Variants in ZNF469 observed in about 807,000 individuals in gnomAD.
ZNF469 encodes the protein zinc finger protein 469.
ZNF469 carries 1 observed loss-of-function variant against 1.0 expected under a neutral mutation model. The ratio of observed to expected loss-of-function variants is 1.00; its 90% CI spans 0.35 to 4.73. The LOEUF (loss-of-function observed/expected upper bound fraction) is 4.73. ZNF469 is among the 30% of genes most tolerant of loss of function. The probability of loss-of-function intolerance (pLI) is 0.16; values close to 1 mark genes in which losing one functional copy is unlikely to be tolerated. For missense variants in ZNF469, 6,100 were observed against 5,356.3 expected (o/e 1.14, Z -4.33); for synonymous variants, 2,703 against 2,363.4 (o/e 1.14, Z -4.17).
At chr16:88,381,588 C>T (rs563169369), upstream of ZNF469, among the ~76,000 whole-genome samples, 1 of 152,380 alleles carries the variant, frequency 6.6e-6, no homozygotes, top group East Asian at 1.9e-4. Context: ...TCCTGATTAA[C>T]TCGAGAGGGT....
At chr16:88,190,098 T>C in the ZNF469 span, among the ~76,000 whole-genome samples, 2 of 138,708 alleles carry the variant, frequency 1.4e-5, no homozygotes, top group African/African-American at 5.3e-5. Context: ...TACCCATACA[T>C]GGGGCTGGGG....
the ZNF469 span, among the ~76,000 whole-genome samples, chr16:88,324,286 T>G: frequency 6.6e-6 from 1 of 152,152 alleles, no homozygotes; most frequent in Non-Finnish European, 1.5e-5. Flanking sequence ...GGCCAAGAAG[T>G]AAAAAGGTCC....
chr16:88,370,787 A>G, the ZNF469 span, among the ~76,000 whole-genome samples: 1 of 152,150 alleles, frequency 6.6e-6, no homozygotes, highest in East Asian at 1.9e-4. Flanking sequence ...TGCCTTCAAG[A>G]TTGGAGTCTC....
chr16:88,244,316 G>A, the ZNF469 span, among the ~76,000 whole-genome samples: 1 of 151,682 alleles, frequency 6.6e-6, no homozygotes, highest in Non-Finnish European at 1.5e-5. Flanking sequence ...TGGATGGTTG[G>A]ATGGATGGGT....
chr16:88,393,937 CT>C (rs970913360), intron 1 of ZNF469, among the ~76,000 whole-genome samples: 1 of 152,248 alleles, frequency 6.6e-6, no homozygotes, highest in African/African-American at 2.4e-5. Context: ...GGGGCTCATG[CT>C]ACACCTCTGC....
the ZNF469 span, among the ~76,000 whole-genome samples, chr16:88,334,878 A>G: frequency 6.7e-6 from 1 of 150,304 alleles, no homozygotes; most frequent in African/African-American, 2.5e-5. Flanking sequence ...GCCGTGAAGG[A>G]AGATGCCGAC....
At chr16:88,242,955 G>A in the ZNF469 span, among the ~76,000 whole-genome samples, 1 of 152,238 alleles carries the variant, frequency 6.6e-6, no homozygotes, top group South Asian at 2.1e-4. Context: ...AAAAGGAACA[G>A]AAGCCTTTGA....
At chr16:88,289,859 TGGAGTGA>T in the ZNF469 span, among the ~76,000 whole-genome samples, 1 of 152,180 alleles carries the variant, frequency 6.6e-6, no homozygotes, top group African/African-American at 2.4e-5. Context: ...TGTATGTTTG[TGGAGTGA>T]GGAGGGAATC....
chr16:88,260,919 G>A, the ZNF469 span, among the ~76,000 whole-genome samples: 2 of 152,202 alleles, frequency 1.3e-5, no homozygotes, highest in Admixed American at 6.5e-5. This position sits in a 1 kb window ranked among gnomAD's most constrained non-coding sequence, Gnocchi z 4.1. Flanking sequence ...AGGAGGCTGC[G>A]TGGCCACGGA....
the ZNF469 span, among the ~76,000 whole-genome samples, chr16:88,191,283 C>T: frequency 6.6e-6 from 1 of 152,120 alleles, no homozygotes; most frequent in Non-Finnish European, 1.5e-5. Context: ...GTGAAGGGCA[C>T]CCGAGGTTCC....
intron 1 of ZNF469, among the ~76,000 whole-genome samples, chr16:88,404,614 G>A (rs925712154): frequency 2.6e-5 from 4 of 152,232 alleles, no homozygotes; most frequent in Non-Finnish European, 5.9e-5. Context: ...CTAGTGCAGG[G>A]TGATTGCCCA....
chr16:88,317,691 G>C, the ZNF469 span, among the ~76,000 whole-genome samples: 1 of 152,230 alleles, frequency 6.6e-6, no homozygotes, highest in Admixed American at 6.5e-5. Context: ...AGCCACAACT[G>C]TCCTCTCAAC....
chr16:88,178,318 C>T, the ZNF469 span: 2 of 152,158 alleles, frequency 1.3e-5, no homozygotes, highest in African/African-American at 4.8e-5. Context: ...TCCCTGACGA[C>T]CGGGAGGAGA....
chr16:88,389,544 C>G (rs1027751054), intron 1 of ZNF469, among the ~76,000 whole-genome samples: 2 of 152,200 alleles, frequency 1.3e-5, no homozygotes, highest in African/African-American at 4.8e-5. Flanking sequence ...TGCTTCGTCC[C>G]GTGGCCACCC....
chr16:88,221,672 C>G, the ZNF469 span, among the ~76,000 whole-genome samples: 3 of 152,232 alleles, frequency 2.0e-5, no homozygotes, highest in Admixed American at 6.5e-5. Flanking sequence ...TAACAGAGGA[C>G]CACACACCGG....
the ZNF469 span, among the ~76,000 whole-genome samples, chr16:88,316,898 C>T: frequency 1.2e-4 from 19 of 152,298 alleles, no homozygotes; most frequent in East Asian, 3.5e-3. Flanking sequence ...CCTATCGAAG[C>T]TGGGGTCCTC....
chr16:88,255,630 G>A, the ZNF469 span, among the ~76,000 whole-genome samples: 4,142 of 152,256 alleles, frequency 0.027, 178 homozygotes, highest in African/African-American at 0.092. Flanking sequence ...CACGGTTTAC[G>A]TTGTAAGAGT....
chr16:88,438,454 C>T lies in ZNF469; in HGVS notation c.10984C>T (p.Arg3662Ter), dbSNP rs1171824548. Residue 3662 changes from arginine (R) to a stop codon, truncating the protein, a stop_gained, in exon 3 of 3, where the codon CGA becomes TGA. Transcript: ENST00000565624. LOFTEE classifies it low-confidence loss of function (END_TRUNC). Reference protein sequence around the residue: ...SSHMVSEGGPRGAFHKGSATK... With the variant: ...SSHMVSEGGP ...CCACATGGTGTCTGAGGGGGGGCCC[C>T]GAGGCGCCTTCCACAAGGGCAGCGC... The T allele has an allele frequency of 2.8e-5, 43 of 1,550,132 alleles. 1 individual carries two copies. Among genetic ancestry groups the T allele is most frequent in the South Asian group, 1.3e-4 (11 of 84,064 alleles).
chr16:88,169,718 C>T, the ZNF469 span, among the ~76,000 whole-genome samples: 2 of 152,234 alleles, frequency 1.3e-5, no homozygotes, highest in Non-Finnish European at 2.9e-5. The surrounding 1 kb of genome is among the most constrained non-coding windows in gnomAD (Gnocchi z 6.1). Context: ...CCCTCCGTCC[C>T]AGCACCCAGC....
Sources: allele counts gnomAD v4.1 joint callset (sites outside exome capture counted in the v4.1 genomes callset), GRCh38; gene constraint gnomAD v4.1.1; non-coding constraint Gnocchi (gnomAD v3.1); transcripts MANE v1.5; gene names NCBI Gene and HGNC (gene_info 2026-07-23, HGNC 2026-07-21).